The following NRCAM variants were observed in gnomAD, a reference collection of about 807,000 sequenced individuals.
NRCAM encodes neuronal cell adhesion molecule.
NRCAM carries 83 observed loss-of-function variants against 156.5 expected under a neutral mutation model. The observed-to-expected ratio is 0.53, with a 90% confidence interval of 0.44 to 0.64. The LOEUF is 0.64. Ranked by LOEUF, NRCAM falls within the 30% of genes least tolerant of loss-of-function variation. NRCAM has a pLI of 0.00. For missense variants in NRCAM, 1,417 were observed against 1,597.3 expected (o/e 0.89, Z 1.92); for synonymous variants, 538 against 563.9 (o/e 0.95, Z 0.65).
chr7:108,282,367 C>G (rs150391025), intron 3 of NRCAM, among the ~76,000 whole-genome samples: 1 of 152,142 alleles, frequency 6.6e-6, no homozygotes, highest in Non-Finnish European at 1.5e-5. Flanking sequence ...TACACATTTT[C>G]TTTCTGGAGA....
At chr7:108,284,814 C>T in intron 3 of NRCAM, among the ~76,000 whole-genome samples, 1 of 152,374 alleles carries the variant, frequency 6.6e-6, no homozygotes, top group South Asian at 2.1e-4. Context: ...TCTGTCTCCA[C>T]TGGGAGCCTG....
intron 3 of NRCAM, among the ~76,000 whole-genome samples, chr7:108,299,256 T>C (rs1158251386): frequency 6.6e-6 from 1 of 150,924 alleles, no homozygotes; most frequent in African/African-American, 2.4e-5. Context: ...TGAGAAGCAG[T>C]AGTTACCGAG....
At chr7:108,221,305 C>T (rs1241042433) in intron 11 of NRCAM, among the ~76,000 whole-genome samples, 1 of 152,128 alleles carries the variant, frequency 6.6e-6, no homozygotes. Flanking sequence ...CCTTAAAGTA[C>T]CAAAAGTAGA....
chr7:108,231,358 T>C (rs898439194), intron 7 of NRCAM, among the ~76,000 whole-genome samples: 5 of 152,236 alleles, frequency 3.3e-5, no homozygotes, highest in Non-Finnish European at 7.3e-5. Context: ...TTGCCACTGA[T>C]AGTATAAATT....
In NRCAM at chr7:108,166,943, C is replaced by A. The variant is rs1343251081; in HGVS notation, c.3444G>T (p.Glu1148Asp). ...AVGDSGFVSS[E>D]DVFETGPAMA... ...CACCTGGGCCTGTCTCAAACACATC[C>A]TCTGAACTCACAAAACCAGAGTCCC... The change falls in exon 30 of 33, where the codon GAG becomes GAT. Residue 1148 changes from glutamate (E) to aspartate (D), a missense_variant. This residue lies in a region of NRCAM where 179 missense variants were observed against 260.9 expected (regional missense o/e 0.69). Transcript: ENST00000379028. 1 of 1,613,896 alleles carries A rather than the reference C, an allele frequency of 6.2e-7. No homozygotes were observed. The highest frequency in any genetic ancestry group is 2.2e-5 in the East Asian group (1 of 44,842).
intron 28 of NRCAM, among the ~76,000 whole-genome samples, chr7:108,172,087 T>A (rs534245951): frequency 6.6e-6 from 1 of 152,272 alleles, no homozygotes; most frequent in East Asian, 1.9e-4. Context: ...GTTTCTGTAT[T>A]CCAACTAATT....
chr7:108,150,197 T>C (rs2040432402), intron 32 of NRCAM, 50 bp from the exon 33 acceptor site: 3 of 1,487,250 alleles, frequency 2.0e-6, no homozygotes, highest in African/African-American at 2.8e-5. Flanking sequence ...TAGGTAACAT[T>C]TTCTGTTTTT....
At chr7:108,179,317 T>A (rs1042862141) in intron 25 of NRCAM, among the ~76,000 whole-genome samples, 20 of 151,994 alleles carry the variant, frequency 1.3e-4, no homozygotes, top group African/African-American at 4.6e-4. Context: ...AAACTTACAA[T>A]GAGATGGGAG....
At chr7:108,201,067 T>C (rs188324522) in intron 13 of NRCAM, among the ~76,000 whole-genome samples, 1 of 149,982 alleles carries the variant, frequency 6.7e-6, no homozygotes, top group East Asian at 2.0e-4. Flanking sequence ...TGCACCAAAA[T>C]CTCAGAACTT....
intron 32 of NRCAM, among the ~76,000 whole-genome samples, chr7:108,159,010 G>A (rs2047189564): frequency 6.6e-6 from 1 of 152,136 alleles, no homozygotes; most frequent in Non-Finnish European, 1.5e-5. Context: ...TGATTAAAGG[G>A]CAAGGGTATG....
intron 2 of NRCAM, among the ~76,000 whole-genome samples, chr7:108,346,282 G>A (rs113011039): frequency 5.9e-5 from 9 of 152,256 alleles, no homozygotes; most frequent in African/African-American, 1.7e-4. Context: ...TTTAAGAATC[G>A]AAATTTAACT....
chr7:108,215,858 G>A (rs142766018), intron 11 of NRCAM, among the ~76,000 whole-genome samples: 64 of 151,702 alleles, frequency 4.2e-4, no homozygotes, highest in African/African-American at 1.4e-3. Context: ...GTCTTGATTC[G>A]TTATCCAATT....
intron 2 of NRCAM, among the ~76,000 whole-genome samples, chr7:108,350,052 C>T (rs1279376281): frequency 6.6e-6 from 1 of 152,192 alleles, no homozygotes; most frequent in Non-Finnish European, 1.5e-5. Context: ...TCTCTCCTGT[C>T]TCAGGGCCTT....
chr7:108,402,305 G>A (rs546566553), intron 1 of NRCAM, among the ~76,000 whole-genome samples: 5 of 152,230 alleles, frequency 3.3e-5, no homozygotes, highest in Admixed American at 6.5e-5. Flanking sequence ...GTACAGCATT[G>A]TTATTTACTA....
In NRCAM at chr7:108,387,952, C is replaced by T. The variant is rs180988903; in HGVS notation, c.-174+11484G>A. 6.6e-5 allele frequency among the ~76,000 whole-genome samples: 10 copies of T among 152,200 alleles called. No individual in the cohort carries two copies. In the East Asian group the frequency reaches 9.6e-4, roughly 15 times the overall value. ...ATGTGCCACATTTTCTTAATCCAGT[C>T]GATCATTGATGGACATTTGAGTTGG... On this transcript the variant is annotated intron_variant, in intron 2 of 32. Coordinates refer to ENST00000379028, the MANE Select transcript of NRCAM (RefSeq NM_001037132.4).
chr7:108,323,218 G>A (rs1414203508), intron 2 of NRCAM, among the ~76,000 whole-genome samples: 2 of 152,176 alleles, frequency 1.3e-5, no homozygotes, highest in Non-Finnish European at 2.9e-5. Context: ...AATGAAGTTT[G>A]CATTTTCAGA....
intron 13 of NRCAM, among the ~76,000 whole-genome samples, chr7:108,206,087 A>G (rs2080999122): frequency 6.6e-6 from 1 of 152,222 alleles, no homozygotes; most frequent in Non-Finnish European, 1.5e-5. Context: ...TCCCAGGAAT[A>G]CACTTCCTTC....
At chr7:108,448,544 C>T (rs898372052) in intron 1 of NRCAM, among the ~76,000 whole-genome samples, 3 of 152,170 alleles carry the variant, frequency 2.0e-5, no homozygotes, top group Non-Finnish European at 4.4e-5. Context: ...CGCAGTTTTA[C>T]AGAATACCAG....
At chr7:108,222,470 T>C (rs1219573397) in intron 11 of NRCAM, among the ~76,000 whole-genome samples, 1 of 152,206 alleles carries the variant, frequency 6.6e-6, no homozygotes, top group Non-Finnish European at 1.5e-5. Context: ...ATTGTGAGAA[T>C]AGATACCTTC....
Sources: allele counts gnomAD v4.1 joint callset (sites outside exome capture counted in the v4.1 genomes callset), GRCh38; gene constraint gnomAD v4.1.1; regional missense constraint gnomAD v4.1.1; transcripts MANE v1.5; gene names NCBI Gene and HGNC (gene_info 2026-07-23, HGNC 2026-07-21).